Variants in IL15 observed in about 807,000 individuals in gnomAD.
IL15 encodes the protein interleukin 15.
IL15 carries 11 observed loss-of-function variants against 19.6 expected under a neutral mutation model. The ratio of observed to expected loss-of-function variants is 0.56; its 90% CI spans 0.35 to 0.93. The LOEUF is 0.93. Among genes scored for constraint, IL15 ranks in the 40% least tolerant of loss-of-function variants. IL15 has a pLI of 0.01. For synonymous variants in IL15, 58 were observed against 59.6 expected (o/e 0.97, Z 0.12); for missense variants, 197 against 186.5 (o/e 1.06, Z -0.33).
At chr4:141,644,912 A>C (rs369749676) in intron 1 of IL15, among the ~76,000 whole-genome samples, 9 of 152,250 alleles carry the variant, frequency 5.9e-5, no homozygotes, top group South Asian at 4.1e-4. Flanking sequence ...TTAAGGTTTA[A>C]ATTTGTTCCC....
At chr4:141,641,893 G>A (rs1560897865) in intron 1 of IL15, among the ~76,000 whole-genome samples, 1 of 150,750 alleles carries the variant, frequency 6.6e-6, no homozygotes, top group Non-Finnish European at 1.5e-5. Context: ...AACTTAGAAA[G>A]GTGCTAAGTG....
intron 2 of IL15, chr4:141,718,764 T>C (rs1729977242): frequency 6.6e-6 from 1 of 152,240 alleles, no homozygotes; most frequent in Non-Finnish European, 1.5e-5. Context: ...ACCATGTATA[T>C]ACTATTTTGA....
chr4:141,709,570 T>C (rs1729645039), intron 2 of IL15, among the ~76,000 whole-genome samples: 3 of 152,234 alleles, frequency 2.0e-5, no homozygotes, highest in Admixed American at 2.0e-4. Flanking sequence ...CAACGATTTT[T>C]TTTTTGAGAG....
intron 4 of IL15, chr4:141,721,713 G>T: frequency 1.8e-6 from 1 of 565,554 alleles, no homozygotes; most frequent in Non-Finnish European, 3.1e-6. Flanking sequence ...AATCCGGGTT[G>T]GTGAAGCCTC....
chr4:141,681,274 T>C (rs1398575898), intron 2 of IL15, among the ~76,000 whole-genome samples: 3 of 151,776 alleles, frequency 2.0e-5, no homozygotes, highest in Non-Finnish European at 4.4e-5. Context: ...TAAGTTGGCA[T>C]GTTTAATTAA....
chr4:141,642,928 T>G (rs1334399595), intron 1 of IL15, among the ~76,000 whole-genome samples: 3 of 152,210 alleles, frequency 2.0e-5, no homozygotes, highest in African/African-American at 7.2e-5. Flanking sequence ...TCTATTTGTA[T>G]TGACTTCAGC....
At chr4:141,652,701 A>C (rs1727450792) in intron 1 of IL15, among the ~76,000 whole-genome samples, 2 of 152,162 alleles carry the variant, frequency 1.3e-5, no homozygotes, top group South Asian at 4.1e-4. Context: ...AGCCAAGCCT[A>C]GAGAAACTGT....
chr4:141,657,876 T>C (rs997823779), intron 2 of IL15, among the ~76,000 whole-genome samples: 1 of 152,246 alleles, frequency 6.6e-6, no homozygotes, highest in Non-Finnish European at 1.5e-5. Flanking sequence ...ATAAAAAGTA[T>C]AGTATAATAA....
At chr4:141,679,648 G>C (rs1413158236) in intron 2 of IL15, among the ~76,000 whole-genome samples, 1 of 152,126 alleles carries the variant, frequency 6.6e-6, no homozygotes, top group East Asian at 1.9e-4. Flanking sequence ...TATTTCTGCT[G>C]TCTAGGATAC....
chr4:141,652,927 A>G (rs1352586519), intron 1 of IL15, among the ~76,000 whole-genome samples: 1 of 152,086 alleles, frequency 6.6e-6, no homozygotes, highest in Non-Finnish European at 1.5e-5. Context: ...ATTAGGTGTC[A>G]TTTTCACCGA....
intron 2 of IL15, among the ~76,000 whole-genome samples, chr4:141,699,093 C>T (rs905992059): frequency 2.0e-5 from 3 of 152,136 alleles, no homozygotes; most frequent in African/African-American, 4.8e-5. Flanking sequence ...AGCCAAAAAT[C>T]ATTCAAGAGC....
chr4:141,650,405 G>A (rs1013696553), intron 1 of IL15, among the ~76,000 whole-genome samples: 2 of 152,012 alleles, frequency 1.3e-5, no homozygotes, highest in Admixed American at 6.6e-5. Flanking sequence ...ACATATGGAG[G>A]TGCAAGCCCC....
intron 2 of IL15, among the ~76,000 whole-genome samples, chr4:141,658,742 T>C (rs1178328003): frequency 6.6e-6 from 1 of 151,742 alleles, no homozygotes; most frequent in African/African-American, 2.4e-5. Context: ...TATGAGAAAA[T>C]AAAATAAATA....
chr4:141,721,483 T>G (rs1319587825), intron 4 of IL15: 1 of 567,106 alleles, frequency 1.8e-6, no homozygotes, highest in Non-Finnish European at 3.3e-6. Flanking sequence ...AAAAAAAATT[T>G]ACTATCAAAA....
intron 2 of IL15, among the ~76,000 whole-genome samples, chr4:141,670,727 A>G (rs1728145493): frequency 1.3e-5 from 2 of 152,204 alleles, no homozygotes; most frequent in African/African-American, 2.4e-5. Context: ...TATTACTTTC[A>G]TATATGTAAA....
chr4:141,720,041 T>A (rs1730021154), intron 3 of IL15, among the ~76,000 whole-genome samples: 1 of 152,124 alleles, frequency 6.6e-6, no homozygotes, highest in African/African-American at 2.4e-5. Context: ...TTTTCATAAT[T>A]TACATGAAGT....
At chr4:141,714,766 T>G (rs1729820227) in intron 2 of IL15, 1 of 152,358 alleles carries the variant, frequency 6.6e-6, no homozygotes, top group South Asian at 2.1e-4. Flanking sequence ...CTTTTGATTT[T>G]TCTTTCCTGG....
intron 2 of IL15, among the ~76,000 whole-genome samples, chr4:141,701,132 G>C (rs1314220277): frequency 6.6e-6 from 1 of 152,048 alleles, no homozygotes; most frequent in Non-Finnish European, 1.5e-5. Context: ...GAGATTTCTT[G>C]GTTTGGATCC....
At chr4:141,718,853 A>T (rs1729979581) in intron 2 of IL15, 1 of 152,152 alleles carries the variant, frequency 6.6e-6, no homozygotes, top group Non-Finnish European at 1.5e-5. Flanking sequence ...GAATTTAGGG[A>T]TGTTTAATCT....
Sources: gnomAD v4.1 joint callset for allele counts (sites outside exome capture counted in the v4.1 genomes callset) on GRCh38, gnomAD v4.1.1 for gene constraint, MANE v1.5 for transcripts, NCBI Gene and HGNC (gene_info 2026-07-23, HGNC 2026-07-21) for gene names.